GNB1: variants seen among roughly 807,000 people sequenced by gnomAD.
GNB1 encodes the protein G protein subunit beta 1, also known as guanine nucleotide-binding protein G(I)/G(S)/G(T) subunit beta-1.
A neutral mutation model predicts 42.9 loss-of-function variants in GNB1; 2 were observed. The ratio of observed to expected loss-of-function variants is 0.05; its 90% CI spans 0.02 to 0.15. GNB1 has a LOEUF of 0.15. GNB1 is among the 10% of genes least tolerant of loss of function. GNB1 has a pLI of 1.00. For missense variants in GNB1, 193 were observed against 462.2 expected (o/e 0.42, Z 5.34); for synonymous variants, 183 against 174.7 (o/e 1.05, Z -0.38).
At chr1:1,832,550 C>T (rs1647091430) in intron 2 of GNB1, among the ~76,000 whole-genome samples, 1 of 152,222 alleles carries the variant, frequency 6.6e-6, no homozygotes, top group African/African-American at 2.4e-5. Flanking sequence ...TTTAGAACAA[C>T]ATCTTTGTGA....
intron 1 of GNB1, among the ~76,000 whole-genome samples, chr1:1,868,598 T>G (rs1206364841): frequency 3.3e-5 from 5 of 151,822 alleles, no homozygotes; most frequent in African/African-American, 1.2e-4. Context: ...CTAGCCAAGA[T>G]GGTGAAACCC....
chr1:1,857,816 G>T (rs1478720952), intron 1 of GNB1, among the ~76,000 whole-genome samples: 1 of 152,016 alleles, frequency 6.6e-6, no homozygotes, highest in South Asian at 2.1e-4. Context: ...ACTTAATCCT[G>T]TAACAAAGTT....
intron 2 of GNB1, among the ~76,000 whole-genome samples, chr1:1,832,539 C>T (rs552749633): frequency 2.0e-5 from 3 of 152,340 alleles, no homozygotes; most frequent in African/African-American, 7.2e-5. Context: ...TCTGCCCCTA[C>T]TTTAGAACAA....
intron 1 of GNB1, among the ~76,000 whole-genome samples, chr1:1,845,505 G>A (rs912270466): frequency 3.9e-5 from 6 of 152,036 alleles, no homozygotes; most frequent in African/African-American, 7.2e-5. Context: ...CCCAGGAGGC[G>A]GAGCTTGCAG....
chr1:1,855,822 G>T (rs1263984777), intron 1 of GNB1, among the ~76,000 whole-genome samples: 1 of 152,202 alleles, frequency 6.6e-6, no homozygotes, highest in Admixed American at 6.5e-5. Flanking sequence ...TTGCTTCTTT[G>T]GCTATTTCAA....
chr1:1,816,237 T>C (rs1214163376), intron 4 of GNB1, among the ~76,000 whole-genome samples: 2 of 152,318 alleles, frequency 1.3e-5, no homozygotes, highest in Non-Finnish European at 1.5e-5. Context: ...ACCACACAGA[T>C]GTCCCACACC....
rs1267486293 is a variant in GNB1 at position 1,798,857 on chromosome 1, A to G, written c.431-5546T>C. Among the ~76,000 whole-genome samples, 7 of 151,724 alleles carry G rather than the reference A, an allele frequency of 4.6e-5. 1 individual carries two copies. Among genetic ancestry groups the G allele is most frequent in the Admixed American group, 3.3e-4 (5 of 15,234 alleles). ...GCTGGGACTACAAGTGCATGCCACC[A>G]CATCCAACTAGTTTTTGTATTTTTT... On this transcript the variant is annotated intron_variant, in intron 7 of 11. Coordinates refer to ENST00000378609, the MANE Select transcript of GNB1 (RefSeq NM_002074.5).
At chr1:1,864,729 C>T (rs1467822002) in intron 1 of GNB1, among the ~76,000 whole-genome samples, 2 of 152,214 alleles carry the variant, frequency 1.3e-5, no homozygotes, top group Non-Finnish European at 1.5e-5. Context: ...TAAAATTCTT[C>T]GTTCTGCAAT....
At chr1:1,824,525 G>T (rs995887768) in intron 3 of GNB1, among the ~76,000 whole-genome samples, 1 of 152,038 alleles carries the variant, frequency 6.6e-6, no homozygotes, top group African/African-American at 2.4e-5. Flanking sequence ...TCTGTGAAAG[G>T]TATTCTTTTT....
chr1:1,845,638 T>A (rs115361377), intron 1 of GNB1, among the ~76,000 whole-genome samples: 2 of 151,914 alleles, frequency 1.3e-5, no homozygotes, highest in African/African-American at 4.8e-5. Flanking sequence ...AATATGGATA[T>A]GTATGCCAGA....
At chr1:1,841,866 C>A (rs1014627297) in intron 1 of GNB1, among the ~76,000 whole-genome samples, 3 of 152,172 alleles carry the variant, frequency 2.0e-5, no homozygotes, top group Admixed American at 1.3e-4. Context: ...CCCAAAAGAA[C>A]TGAAAGCAGG....
intron 3 of GNB1, among the ~76,000 whole-genome samples, chr1:1,822,110 A>G (rs539710566): frequency 6.6e-6 from 1 of 152,176 alleles, no homozygotes; most frequent in Non-Finnish European, 1.5e-5. Context: ...ACACACAAAC[A>G]AAAAAATGAA....
chr1:1,867,584 GATAA>G (rs531590957), intron 1 of GNB1, among the ~76,000 whole-genome samples: 13 of 152,000 alleles, frequency 8.6e-5, no homozygotes, highest in Non-Finnish European at 1.6e-4. Context: ...TCTTCCTTTG[GATAA>G]ATTTCTAAAA....
intron 1 of GNB1, among the ~76,000 whole-genome samples, chr1:1,885,964 C>T (rs186312302): frequency 1.2e-4 from 18 of 150,870 alleles, no homozygotes; most frequent in African/African-American, 3.9e-4. Context: ...ATTACCATGG[C>T]ACCCAATGGT....
chr1:1,885,845 A>T (rs1570765357), intron 1 of GNB1, among the ~76,000 whole-genome samples: 1 of 147,292 alleles, frequency 6.8e-6, no homozygotes, highest in Admixed American at 6.8e-5. Context: ...GGCGTGAGCC[A>T]CCGTGCCCGG....
chr1:1,880,529 T>C (rs1314861697), intron 1 of GNB1, among the ~76,000 whole-genome samples: 1 of 151,598 alleles, frequency 6.6e-6, no homozygotes, highest in Non-Finnish European at 1.5e-5. Flanking sequence ...GAGCTGGCAG[T>C]GAGCCGAGAT....
At chr1:1,839,515 T>A (rs532897283) in intron 1 of GNB1, 1 of 152,224 alleles carries the variant, frequency 6.6e-6, no homozygotes, top group African/African-American at 2.4e-5. Context: ...GCACAGAGGT[T>A]AGAATCCTAT....
chr1:1,806,616 G>T, intron 5 of GNB1, 78 bp from the exon 6 acceptor site: 1 of 909,704 alleles, frequency 1.1e-6, no homozygotes, highest in Non-Finnish European at 1.8e-6. Context: ...CTAAAACCCA[G>T]ACTCTGGTGG....
chr1:1,872,233 C>T (rs758462471), intron 1 of GNB1, among the ~76,000 whole-genome samples: 2 of 152,170 alleles, frequency 1.3e-5, no homozygotes, highest in Non-Finnish European at 2.9e-5. Context: ...CTGTCTCAAC[C>T]TCCCAAACTG....
Sources: allele counts gnomAD v4.1 joint callset (sites outside exome capture counted in the v4.1 genomes callset), GRCh38; gene constraint gnomAD v4.1.1; transcripts MANE v1.5; gene names NCBI Gene and HGNC (gene_info 2026-07-23, HGNC 2026-07-21).